The following DSCAM variants were observed in gnomAD, a reference collection of about 807,000 sequenced individuals.
DSCAM encodes the protein cell adhesion molecule DSCAM.
Under a neutral mutation model 217.7 loss-of-function variants are expected in DSCAM, and 47 were observed. The observed-to-expected ratio is 0.22, with a 90% CI of 0.17 to 0.28. DSCAM has a LOEUF of 0.28. Among genes scored for constraint, DSCAM ranks in the 10% least tolerant of loss-of-function variants. The probability of loss-of-function intolerance (pLI) is 1.00; values close to 1 mark genes in which losing one functional copy is unlikely to be tolerated. For missense variants in DSCAM, 2,080 were observed against 2,618.3 expected (o/e 0.79, Z 4.49); for synonymous variants, 1,056 against 1,015.3 (o/e 1.04, Z -0.76).
Position 40,214,551 on chromosome 21 carries a change from A to G in DSCAM, c.2357-25313T>C, listed in dbSNP as rs558635691. Among the ~76,000 whole-genome samples the G allele has an allele frequency of 1.4e-4, 22 of 152,284 alleles. No homozygotes were observed. In the South Asian group the frequency reaches 4.6e-3, roughly 32 times the overall value. ...TCCAAGAAGGAACACAGGACCGTAA[A>G]CAGCTTTGAAAGAAGCTGTGAGTAG... On this transcript the variant is annotated intron_variant, in intron 11 of 32. Coordinates refer to ENST00000400454, the MANE Select transcript of DSCAM (RefSeq NM_001389.5).
chr21:40,617,176 T>A (rs535485991), intron 3 of DSCAM, among the ~76,000 whole-genome samples: 14 of 132,516 alleles, frequency 1.1e-4, no homozygotes, highest in African/African-American at 4.1e-4. Flanking sequence ...CAGGCTGGAG[T>A]GCAGTGGTGC....
rs1361492536 is a variant in DSCAM, at chr21:40,280,155, T to C, written c.2183-3885A>G. On this transcript the variant is annotated intron_variant, in intron 10 of 32. Transcript: ENST00000400454. ...ATTAAAAAAAAAACCTTAATTCATA[T>C]GAAAGTTCACAGCAGATTTTGGTGC... Among the ~76,000 whole-genome samples, 3 of 149,334 alleles carry C rather than the reference T, an allele frequency of 2.0e-5. No homozygotes were observed. The East Asian group carries it at 5.9e-4, about 29-fold the overall frequency.
At chr21:40,804,394 C>T (rs1391229837) in intron 1 of DSCAM, among the ~76,000 whole-genome samples, 2 of 152,152 alleles carry the variant, frequency 1.3e-5, no homozygotes, top group African/African-American at 2.4e-5. Context: ...CCTCCTGGAC[C>T]CTTGTTCTTT....
At chr21:40,762,744 C>T (rs2091347889) in intron 1 of DSCAM, among the ~76,000 whole-genome samples, 2 of 152,122 alleles carry the variant, frequency 1.3e-5, no homozygotes, top group African/African-American at 4.8e-5. Flanking sequence ...TCCAGCAGCA[C>T]ATCAAAAAGC....
intron 24 of DSCAM, among the ~76,000 whole-genome samples, chr21:40,082,586 T>A (rs2089478247): frequency 6.6e-6 from 1 of 152,074 alleles, no homozygotes; most frequent in South Asian, 2.1e-4. Context: ...TATTAATGAC[T>A]CTCTGTGCAT....
chr21:40,746,818 CACAAA>C (rs1023808031), intron 1 of DSCAM, among the ~76,000 whole-genome samples: 27 of 151,744 alleles, frequency 1.8e-4, no homozygotes, highest in Non-Finnish European at 3.7e-4. Flanking sequence ...TTATGAAAGT[CACAAA>C]ACAAGTCTTA....
intron 3 of DSCAM, among the ~76,000 whole-genome samples, chr21:40,500,559 CT>C (rs2076163106): frequency 6.6e-6 from 1 of 152,112 alleles, no homozygotes; most frequent in South Asian, 2.1e-4. Context: ...TACTCTTGAC[CT>C]TGGAGATCTA....
intron 2 of DSCAM, among the ~76,000 whole-genome samples, chr21:40,701,354 T>C (rs114921952): frequency 3.9e-4 from 59 of 152,258 alleles, no homozygotes; most frequent in African/African-American, 1.4e-3. Flanking sequence ...AACACACCAA[T>C]TTTAACAATT....
rs374394810 is a variant in DSCAM, at chr21:40,251,589, T to G, written c.2356+24508A>C. The stretch of plus-strand genomic sequence containing the variant: ...ATACAGCTCTACCCTTTCCTGTACT[T>G]TTTGTTGGGAGCTGACAGTTCCTAA... On this transcript the variant is annotated intron_variant, in intron 11 of 32. Transcript: ENST00000400454. Among the ~76,000 whole-genome samples the G allele has an allele frequency of 2.0e-4, 31 of 152,254 alleles. No individual in the cohort carries two copies. The South Asian group carries it at 6.0e-3, about 30-fold the overall frequency.
intron 3 of DSCAM, among the ~76,000 whole-genome samples, chr21:40,386,862 T>TAGATAAAATTCCCTCTAGGATTTTA (rs978514300): frequency 2.0e-5 from 3 of 152,206 alleles, no homozygotes; most frequent in African/African-American, 7.2e-5. Flanking sequence ...GAATTTTCTT[T>TAGATAAAATTCCCTCTAGGATTTTA]AGATAAAATT....
chr21:40,401,219 G>T (rs1201616994), intron 3 of DSCAM, among the ~76,000 whole-genome samples: 8 of 152,138 alleles, frequency 5.3e-5, no homozygotes, highest in Admixed American at 5.2e-4. Flanking sequence ...TTAAGAAAAG[G>T]ATTATTTCAG....
chr21:40,330,670 T>C (rs1391363009), intron 8 of DSCAM, among the ~76,000 whole-genome samples: 1 of 152,008 alleles, frequency 6.6e-6, no homozygotes, highest in Non-Finnish European at 1.5e-5. Context: ...TGCAGACACT[T>C]GAGAGCATAA....
intron 1 of DSCAM, among the ~76,000 whole-genome samples, chr21:40,751,983 G>A (rs2091233912): frequency 6.6e-6 from 1 of 152,060 alleles, no homozygotes; most frequent in Non-Finnish European, 1.5e-5. Context: ...CCAGCTCACT[G>A]TGCAGCAAAT....
intron 27 of DSCAM, among the ~76,000 whole-genome samples, chr21:40,072,501 C>T (rs1309455631): frequency 6.6e-6 from 1 of 151,966 alleles, no homozygotes; most frequent in Non-Finnish European, 1.5e-5. Flanking sequence ...CGCCCGCCAC[C>T]ACCCCCGGCT....
At chr21:40,057,962 G>C (rs918289139) in intron 28 of DSCAM, among the ~76,000 whole-genome samples, 2 of 138,528 alleles carry the variant, frequency 1.4e-5, no homozygotes, top group African/African-American at 5.5e-5. Flanking sequence ...TGCAAGCTCC[G>C]CCTCCCAGGT....
chr21:40,685,628 C>T (rs62224163), intron 3 of DSCAM, among the ~76,000 whole-genome samples: 11,836 of 152,200 alleles, frequency 0.078, 464 homozygotes, highest in East Asian at 0.11. Flanking sequence ...CTCTGAATGT[C>T]ACCTCATGTG....
intron 3 of DSCAM, among the ~76,000 whole-genome samples, chr21:40,518,216 C>A (rs2076319010): frequency 6.9e-6 from 1 of 144,610 alleles, no homozygotes. Context: ...TGAGTTCTGA[C>A]CATTTGCAAG....
chr21:40,550,843 C>G (rs765941494), intron 3 of DSCAM, among the ~76,000 whole-genome samples: 1 of 152,118 alleles, frequency 6.6e-6, no homozygotes, highest in Non-Finnish European at 1.5e-5. Context: ...ACAAAAGGGA[C>G]GAGAGGCACA....
intron 11 of DSCAM, among the ~76,000 whole-genome samples, chr21:40,194,552 G>T (rs143454448): frequency 9.0e-4 from 137 of 152,312 alleles, no homozygotes; most frequent in Middle Eastern, 3.4e-3. Flanking sequence ...TTGTCCAAAG[G>T]TTGTGTGCTG....
Sources: gnomAD v4.1 joint callset for allele counts (sites outside exome capture counted in the v4.1 genomes callset) on GRCh38, gnomAD v4.1.1 for gene constraint, MANE v1.5 for transcripts, NCBI Gene and HGNC (gene_info 2026-07-23, HGNC 2026-07-21) for gene names.